FAM222B: variants seen among roughly 807,000 people sequenced by gnomAD.
FAM222B encodes protein FAM222B.
Under a neutral mutation model 38.0 loss-of-function variants are expected in FAM222B, and 12 were observed. The observed-to-expected ratio is 0.32, with a 90% CI of 0.20 to 0.51. The LOEUF (loss-of-function observed/expected upper bound fraction) is 0.51. Among genes scored for constraint, FAM222B ranks in the 20% least tolerant of loss-of-function variants. FAM222B has a pLI of 0.97. For missense variants in FAM222B, 716 were observed against 754.2 expected, an observed-to-expected ratio of 0.95 and a Z score of 0.59; for synonymous variants, 329 against 317.2, an observed-to-expected ratio of 1.04 and a Z score of -0.40.
chr17:28,809,914 C>T (rs2037667493), intron 1 of FAM222B, among the ~76,000 whole-genome samples: 1 of 152,090 alleles, frequency 6.6e-6, no homozygotes, highest in African/African-American at 2.4e-5. Flanking sequence ...ATAAAAACCA[C>T]CCAGATATCA....
intron 1 of FAM222B, among the ~76,000 whole-genome samples, chr17:28,787,714 A>C (rs972165360): frequency 2.0e-5 from 3 of 152,198 alleles, no homozygotes; most frequent in African/African-American, 7.2e-5. Flanking sequence ...CTGTTAGAAT[A>C]ATACTTTCAT....
At chr17:28,771,482 C>G (rs1172075871) in intron 1 of FAM222B, among the ~76,000 whole-genome samples, 1 of 151,612 alleles carries the variant, frequency 6.6e-6, no homozygotes, top group Non-Finnish European at 1.5e-5. Flanking sequence ...GAGTTTGAGA[C>G]CAGCCTGGCC....
At chr17:28,792,009 TA>T (rs1408392000) in intron 1 of FAM222B, among the ~76,000 whole-genome samples, 1 of 149,830 alleles carries the variant, frequency 6.7e-6, no homozygotes, top group African/African-American at 2.5e-5. Flanking sequence ...AGACCATGTC[TA>T]AAAAAATTAG....
Position 28,758,912 on chromosome 17 carries a change from G to A in FAM222B, c.1047C>T (p.Ile349=), listed in dbSNP as rs1487092285. 5 of 1,609,412 alleles carry A rather than the reference G, an allele frequency of 3.1e-6. No homozygotes were observed. The highest frequency in any genetic ancestry group is 1.6e-4 in the Middle Eastern group (1 of 6,076). Residue 349 remains isoleucine, a synonymous_variant, in exon 3 of 3, where the codon ATC becomes ATT. Coordinates refer to ENST00000581407, the MANE Select transcript of FAM222B (RefSeq NM_001077498.3). ...AAGPVNLPTG[I]SRVPTGYPSD... ...TAGGGTAGCCAGTGGGGACGCGAGA[G>A]ATGCCTGTGGGCAGGTTGACAGGAC...
intron 1 of FAM222B, among the ~76,000 whole-genome samples, chr17:28,839,164 G>A (rs1001081849): frequency 2.6e-5 from 4 of 152,016 alleles, no homozygotes; most frequent in Non-Finnish European, 5.9e-5. Flanking sequence ...CCGAGATCGC[G>A]CCACTGCAAT....
Position 28,813,478 on chromosome 17 carries a change from T to A in FAM222B, c.-41+29204A>T, listed in dbSNP as rs1026642936. Among the ~76,000 whole-genome samples the A allele has an allele frequency of 2.6e-5, 4 of 152,248 alleles. 1 individual carries two copies. Among genetic ancestry groups the A allele is most frequent in the Middle Eastern group, 6.8e-3 (2 of 294 alleles). ...AGTTGAAGAGGATCTGATAATTATATGGAAGTAATGTGTCAATGTTACTTT... is the reference window on the plus strand; with the variant it reads ...AGTTGAAGAGGATCTGATAATTATAAGGAAGTAATGTGTCAATGTTACTTT... On this transcript the variant is annotated intron_variant, in intron 1 of 2. Transcript: ENST00000581407.
At chr17:28,805,256 G>A (rs1041322052) in intron 1 of FAM222B, among the ~76,000 whole-genome samples, 16 of 151,988 alleles carry the variant, frequency 1.1e-4, no homozygotes, top group Non-Finnish European at 1.9e-4. Flanking sequence ...TACTCAAGAG[G>A]CTGAGATGGG....
chr17:28,825,113 C>T (rs574175247), intron 1 of FAM222B, among the ~76,000 whole-genome samples: 8 of 151,652 alleles, frequency 5.3e-5, no homozygotes, highest in African/African-American at 1.4e-4. Context: ...AGTCACAAAT[C>T]GACTCATATC....
At chr17:28,767,539 A>C (rs1332753151) in intron 1 of FAM222B, among the ~76,000 whole-genome samples, 3 of 151,202 alleles carry the variant, frequency 2.0e-5, no homozygotes, top group South Asian at 4.2e-4. Context: ...GCAGTGGTAC[A>C]ATTTTGGCTC....
At position 28,761,610 on chromosome 17, in the gene FAM222B, C is replaced by G. The variant is rs79488646; in HGVS notation, c.83-1734G>C. Among the ~76,000 whole-genome samples the G allele has an allele frequency of 1.8e-3, 277 of 152,262 alleles. 6 individuals are homozygous for G. In the East Asian group the frequency reaches 0.048, roughly 26 times the overall value. On this transcript the variant is annotated intron_variant, in intron 2 of 2. Transcript: ENST00000581407. ...TTAGAAGGAAAATGGGTACAGCTCTCTTTGTTTGGTGATAATGCTGGTTAG... is the reference window on the plus strand; with the variant it reads ...TTAGAAGGAAAATGGGTACAGCTCTGTTTGTTTGGTGATAATGCTGGTTAG...
intron 1 of FAM222B, among the ~76,000 whole-genome samples, chr17:28,814,770 CTTTT>C (rs35921944): frequency 8.5e-6 from 1 of 117,600 alleles, no homozygotes; most frequent in Admixed American, 9.2e-5. Flanking sequence ...CCAGGCCGAT[CTTTT>C]TTTTTTTTTT....
intron 1 of FAM222B, among the ~76,000 whole-genome samples, chr17:28,816,340 C>T (rs1035638416): frequency 7.2e-5 from 11 of 152,052 alleles, no homozygotes; most frequent in African/African-American, 2.4e-4. Flanking sequence ...AGTGAAATTA[C>T]AGATTTTATC....
chr17:28,811,901 TTTC>T (rs779377857), intron 1 of FAM222B, among the ~76,000 whole-genome samples: 2 of 152,064 alleles, frequency 1.3e-5, no homozygotes, highest in Non-Finnish European at 2.9e-5. Context: ...TAGCTTGCCT[TTTC>T]TTTTTTTTAA....
chr17:28,817,184 G>A (rs551765147), intron 1 of FAM222B, among the ~76,000 whole-genome samples: 125 of 151,442 alleles, frequency 8.3e-4, no homozygotes, highest in African/African-American at 3.0e-3. Context: ...AGGCCGAGCA[G>A]ATGGATCAAC....
At chr17:28,793,593 T>C (rs896829868) in intron 1 of FAM222B, among the ~76,000 whole-genome samples, 1 of 152,130 alleles carries the variant, frequency 6.6e-6, no homozygotes, top group Non-Finnish European at 1.5e-5. Flanking sequence ...TCTTCTTTCA[T>C]TGTTAGTGAG....
intron 1 of FAM222B, chr17:28,854,925 C>G: frequency 3.9e-6 from 5 of 1,266,912 alleles, no homozygotes; most frequent in Non-Finnish European, 5.3e-6. Flanking sequence ...CCATGTGTCT[C>G]GGCTTTCAAT....
chr17:28,800,127 G>A (rs1232575565), intron 1 of FAM222B, among the ~76,000 whole-genome samples: 3 of 151,736 alleles, frequency 2.0e-5, no homozygotes, highest in Admixed American at 6.6e-5. Context: ...CGCCTCCCGC[G>A]TTCAAGCGAT....
chr17:28,761,916 C>T (rs2035091024), intron 2 of FAM222B: 1 of 152,134 alleles, frequency 6.6e-6, no homozygotes, highest in Non-Finnish European at 1.5e-5. Flanking sequence ...TAGCACAGTG[C>T]TTTAAACCTA....
intron 1 of FAM222B, among the ~76,000 whole-genome samples, chr17:28,825,552 C>T (rs1433997563): frequency 2.6e-5 from 4 of 152,032 alleles, no homozygotes; most frequent in South Asian, 2.1e-4. Context: ...CCTCATTCAC[C>T]GTATTCAAAC....
Sources: allele counts gnomAD v4.1 joint callset (sites outside exome capture counted in the v4.1 genomes callset), GRCh38; gene constraint gnomAD v4.1.1; transcripts MANE v1.5; gene names NCBI Gene and HGNC (gene_info 2026-07-23, HGNC 2026-07-21).